The following TYR variants were observed in gnomAD, a reference collection of about 807,000 sequenced individuals.
The protein encoded by TYR is LB24-AB.
TYR carries 58 observed loss-of-function variants against 51.5 expected under a neutral mutation model. That is an observed-to-expected ratio of 1.13 (90% CI 0.91 to 1.40). The LOEUF is 1.40. TYR is among the 40% of genes most tolerant of loss of function. The probability of loss-of-function intolerance (pLI) is 0.00; values close to 1 mark genes in which losing one functional copy is unlikely to be tolerated. For missense variants in TYR, 732 were observed against 647.4 expected, an observed-to-expected ratio of 1.13 and a Z score of -1.42; for synonymous variants, 263 against 235.2, an observed-to-expected ratio of 1.12 and a Z score of -1.08.
chr11:89,183,819 G>C (rs1185489419), intron 1 of TYR, among the ~76,000 whole-genome samples: 1 of 151,992 alleles, frequency 6.6e-6, no homozygotes, highest in Non-Finnish European at 1.5e-5. Context: ...AAAACAATTT[G>C]GTGACCTGCC....
chr11:89,182,809 C>A (rs1943319305), intron 1 of TYR, among the ~76,000 whole-genome samples: 1 of 152,042 alleles, frequency 6.6e-6, no homozygotes, highest in African/African-American at 2.4e-5. Context: ...ACCAACAGAT[C>A]AGCTAGCTAC....
chr11:89,206,428 A>G (rs1943673297), intron 2 of TYR, among the ~76,000 whole-genome samples: 1 of 152,158 alleles, frequency 6.6e-6, no homozygotes, highest in African/African-American at 2.4e-5. Context: ...TAATGAGTCA[A>G]TCCAGTAAGA....
chr11:89,279,899 G>A (rs1264385294), intron 3 of TYR, among the ~76,000 whole-genome samples: 1 of 151,624 alleles, frequency 6.6e-6, no homozygotes, highest in South Asian at 2.1e-4. Context: ...TCAAGACAGA[G>A]TATCTACATA....
At chr11:89,219,567 G>A (rs762992885) in intron 2 of TYR, among the ~76,000 whole-genome samples, 15 of 152,068 alleles carry the variant, frequency 9.9e-5, no homozygotes, top group Non-Finnish European at 2.1e-4. Flanking sequence ...AGGAGTACAG[G>A]CGTGACCCAC....
At chr11:89,217,453 G>A (rs555737092) in intron 2 of TYR, among the ~76,000 whole-genome samples, 4 of 152,282 alleles carry the variant, frequency 2.6e-5, no homozygotes, top group African/African-American at 7.2e-5. Context: ...GGGAGACTGA[G>A]TATGAGGATG....
intron 3 of TYR, among the ~76,000 whole-genome samples, chr11:89,256,572 T>A (rs556607893): frequency 2.8e-4 from 43 of 151,926 alleles, no homozygotes; most frequent in Non-Finnish European, 4.7e-4. Flanking sequence ...ATGTCAGTTG[T>A]TTATATAATA....
chr11:89,233,298 C>T (rs1425184585), intron 3 of TYR, among the ~76,000 whole-genome samples: 1 of 141,920 alleles, frequency 7.0e-6, no homozygotes, highest in Non-Finnish European at 1.5e-5. Context: ...CTTTAGGCTG[C>T]ACTTGTAATT....
At position 89,178,336 on chromosome 11, in the gene TYR, C is replaced by G; in HGVS notation, c.383C>G (p.Ala128Gly). Residue 128 changes from alanine (A) to glycine (G), a missense_variant, in exon 1 of 5, where the codon GCC (alanine) becomes GGC (glycine). Ala to Gly is a moderately conservative substitution (Grantham distance 60). Coordinates refer to ENST00000263321, the MANE Select transcript of TYR (RefSeq NM_000372.5). ...AGAAGAAACATCTTCGATTTGAGTGCCCCAGAGAAGGACAAATTTTTTGCC... is the reference window on the plus strand; with the variant it reads ...AGAAGAAACATCTTCGATTTGAGTGGCCCAGAGAAGGACAAATTTTTTGCC... The part of the protein sequence containing the change: ...LVRRNIFDLS[A>G]PEKDKFFAYL... 1 of 1,614,084 alleles carries G rather than the reference C, an allele frequency of 6.2e-7. No individual in the cohort carries two copies. Among genetic ancestry groups the G allele is most frequent in the Non-Finnish European group, 8.5e-7 (1 of 1,180,024 alleles).
At chr11:89,233,215 C>A (rs568174125) in intron 3 of TYR, among the ~76,000 whole-genome samples, 1 of 142,774 alleles carries the variant, frequency 7.0e-6, no homozygotes, top group Non-Finnish European at 1.5e-5. Context: ...AAACTACTTT[C>A]TTTTTTTAAC....
chr11:89,206,577 C>T (rs1401194996), intron 2 of TYR, among the ~76,000 whole-genome samples: 1 of 152,108 alleles, frequency 6.6e-6, no homozygotes, highest in South Asian at 2.1e-4. Context: ...ACCAACAGGA[C>T]TAGGCAAAAC....
At chr11:89,209,460 T>G (rs1208684830) in intron 2 of TYR, among the ~76,000 whole-genome samples, 1 of 152,166 alleles carries the variant, frequency 6.6e-6, no homozygotes, top group African/African-American at 2.4e-5. Flanking sequence ...GCAGGGAAAC[T>G]AGAACTGGGT....
chr11:89,262,832 T>C (rs910738632), intron 3 of TYR, among the ~76,000 whole-genome samples: 3 of 24,848 alleles, frequency 1.2e-4, no homozygotes, highest in African/African-American at 5.0e-4. Flanking sequence ...TAAGTAAAGA[T>C]ACAAGCTACT....
chr11:89,254,186 C>T (rs560621215), intron 3 of TYR, among the ~76,000 whole-genome samples: 26 of 151,648 alleles, frequency 1.7e-4, no homozygotes, highest in Non-Finnish European at 3.1e-4. Flanking sequence ...CACTTGATCA[C>T]GGTGGATTAT....
intron 3 of TYR, among the ~76,000 whole-genome samples, chr11:89,258,583 T>A (rs780891393): frequency 2.0e-5 from 3 of 151,586 alleles, no homozygotes; most frequent in Non-Finnish European, 4.4e-5. Context: ...ATAATGTGCA[T>A]CATAGAATAT....
In TYR at chr11:89,251,174, T is replaced by C. The variant is rs575073704; in HGVS notation, c.1184+23204T>C. On this transcript the variant is annotated intron_variant, in intron 3 of 4. Transcript: ENST00000263321. ...TTCCAAAAGATATTCTGTAGGGAAA[T>C]TATCTCAGATTTTCCTCAAAGGAAA... 3.9e-5 allele frequency among the ~76,000 whole-genome samples: 6 copies of C among 151,916 alleles called. No homozygotes were observed. The East Asian group carries it at 1.2e-3, about 29-fold the overall frequency.
intron 3 of TYR, among the ~76,000 whole-genome samples, chr11:89,259,580 C>T (rs1172165570): frequency 1.3e-5 from 2 of 151,926 alleles, no homozygotes; most frequent in African/African-American, 4.8e-5. Context: ...AAAAATAGGA[C>T]CAAGAAATAA....
Position 89,251,853 on chromosome 11 carries a change from C to A in TYR, c.1184+23883C>A, listed in dbSNP as rs574665947. Among the ~76,000 whole-genome samples the A allele has an allele frequency of 8.0e-4, 121 of 151,944 alleles. 2 individuals are homozygous for A. The highest frequency in any genetic ancestry group is 2.9e-3 in the African/African-American group (119 of 41,540). ...TTCTGTGAGGTGCCTTGATGCTAATCAGACAGTTGCTCATATCAGTTAAAT... is the reference window on the plus strand; with the variant it reads ...TTCTGTGAGGTGCCTTGATGCTAATAAGACAGTTGCTCATATCAGTTAAAT... On this transcript the variant is annotated intron_variant, in intron 3 of 4. Coordinates refer to ENST00000263321, the MANE Select transcript of TYR (RefSeq NM_000372.5).
intron 3 of TYR, among the ~76,000 whole-genome samples, chr11:89,252,992 C>A (rs1345258378): frequency 6.6e-6 from 1 of 151,702 alleles, no homozygotes; most frequent in Non-Finnish European, 1.5e-5. Context: ...AATCTGATCC[C>A]AAATCCAGGT....
intron 3 of TYR, among the ~76,000 whole-genome samples, chr11:89,279,603 A>C (rs1482942685): frequency 6.6e-6 from 1 of 151,678 alleles, no homozygotes; most frequent in Non-Finnish European, 1.5e-5. Context: ...ACTTTGATTA[A>C]ATTATTATGC....
Sources: gnomAD v4.1 joint callset for allele counts (sites outside exome capture counted in the v4.1 genomes callset) on GRCh38, gnomAD v4.1.1 for gene constraint, MANE v1.5 for transcripts, NCBI Gene and HGNC (gene_info 2026-07-23, HGNC 2026-07-21) for gene names.